SCAPER: variants seen among roughly 807,000 people sequenced by gnomAD.
The protein encoded by SCAPER is S phase cyclin A-associated protein in the endoplasmic reticulum.
In SCAPER, 98 loss-of-function variants were observed where a neutral mutation model predicts 182.2. That is an observed-to-expected ratio of 0.54 (90% CI 0.46 to 0.64). The LOEUF is 0.64. Ranked by LOEUF, SCAPER falls within the 30% of genes least tolerant of loss-of-function variation. The pLI, the probability that SCAPER is intolerant of heterozygous loss-of-function variation, is 0.00. For missense variants in SCAPER, 1,432 were observed against 1,690.0 expected, an observed-to-expected ratio of 0.85 and a Z score of 2.68; for synonymous variants, 605 against 564.6, an observed-to-expected ratio of 1.07 and a Z score of -1.01.
chr15:76,790,318 A>G (rs1246254508), intron 8 of SCAPER, among the ~76,000 whole-genome samples: 1 of 152,144 alleles, frequency 6.6e-6, no homozygotes, highest in Non-Finnish European at 1.5e-5. Flanking sequence ...CATTGGCAAC[A>G]TTAAAACATG....
chr15:76,858,698 C>T (rs1403420263), intron 3 of SCAPER, among the ~76,000 whole-genome samples: 1 of 152,136 alleles, frequency 6.6e-6, no homozygotes, highest in Non-Finnish European at 1.5e-5. Context: ...GTTTAGTTCC[C>T]ACTTATAAAT....
At position 76,412,886 on chromosome 15, in the gene SCAPER, C is replaced by T. The variant is rs1053849329; in HGVS notation, c.3312-8207G>A. 7.2e-5 allele frequency among the ~76,000 whole-genome samples: 11 copies of T among 151,730 alleles called. No individual in the cohort carries two copies. The East Asian group carries it at 7.7e-4, about 11-fold the overall frequency. On this transcript the variant is annotated intron_variant, in intron 26 of 31. Transcript: ENST00000563290. ...GATCCATGGATATTATATATATCTCCGTTTATTTAGGTCTTTAATTTCTCT... is the reference window on the plus strand; with the variant it reads ...GATCCATGGATATTATATATATCTCTGTTTATTTAGGTCTTTAATTTCTCT...
chr15:76,740,016 A>G (rs1168906454), intron 15 of SCAPER, among the ~76,000 whole-genome samples: 5 of 152,194 alleles, frequency 3.3e-5, no homozygotes, highest in Non-Finnish European at 7.3e-5. Flanking sequence ...AATTTAAAAA[A>G]TAAGTCAAAT....
chr15:76,487,114 T>A (rs1372926188), intron 24 of SCAPER, among the ~76,000 whole-genome samples: 3 of 152,068 alleles, frequency 2.0e-5, no homozygotes, highest in African/African-American at 7.2e-5. Flanking sequence ...TTCTCACTTG[T>A]AAGTGGCAGC....
At chr15:76,495,673 G>A (rs2040432972) in intron 24 of SCAPER, among the ~76,000 whole-genome samples, 1 of 151,768 alleles carries the variant, frequency 6.6e-6, no homozygotes, top group South Asian at 2.1e-4. Flanking sequence ...TTGGGGTTTG[G>A]GGTAGATGAA....
chr15:76,672,968 A>AC (rs1567760199), intron 20 of SCAPER, among the ~76,000 whole-genome samples: 2 of 152,056 alleles, frequency 1.3e-5, no homozygotes, highest in Non-Finnish European at 2.9e-5. Flanking sequence ...TTCAGCATTT[A>AC]GGGGGAAAAA....
intron 5 of SCAPER, among the ~76,000 whole-genome samples, chr15:76,820,865 T>G (rs1220932687): frequency 6.6e-6 from 1 of 151,722 alleles, no homozygotes; most frequent in Non-Finnish European, 1.5e-5. Context: ...AAAATAAACA[T>G]ATGAAAACAT....
intron 26 of SCAPER, among the ~76,000 whole-genome samples, chr15:76,407,599 A>C (rs1056127567): frequency 6.6e-6 from 1 of 152,192 alleles, no homozygotes; most frequent in Non-Finnish European, 1.5e-5. Flanking sequence ...TTTATATAGT[A>C]AAGAAAAGCA....
At chr15:76,365,679 A>G (rs1360465918) in intron 29 of SCAPER, among the ~76,000 whole-genome samples, 2 of 152,114 alleles carry the variant, frequency 1.3e-5, no homozygotes, top group African/African-American at 4.8e-5. Context: ...GAATATTTGC[A>G]TTATCTGTGT....
At position 76,422,244 on chromosome 15, in the gene SCAPER, T is replaced by C. The variant is rs374005326; in HGVS notation, c.3311+11834A>G. Among the ~76,000 whole-genome samples, 33 of 152,328 alleles carry C rather than the reference T, an allele frequency of 2.2e-4. No individual in the cohort carries two copies. In the East Asian group the frequency reaches 3.7e-3, roughly 17 times the overall value. ...ATTTTCACGATATTGATTCTTCCTA[T>C]CCATAAGCATGGAATGTTCTTTCAT... On this transcript the variant is annotated intron_variant, in intron 26 of 31. Coordinates refer to ENST00000563290, the MANE Select transcript of SCAPER (RefSeq NM_020843.4).
At chr15:76,405,641 C>A (rs527588898) in intron 26 of SCAPER, among the ~76,000 whole-genome samples, 31 of 152,302 alleles carry the variant, frequency 2.0e-4, no homozygotes, top group African/African-American at 7.5e-4. Flanking sequence ...TATTAATCCA[C>A]AGAGCAGCAA....
intron 24 of SCAPER, among the ~76,000 whole-genome samples, chr15:76,489,528 T>C (rs528516529): frequency 2.7e-4 from 41 of 152,094 alleles, no homozygotes; most frequent in Non-Finnish European, 4.6e-4. Flanking sequence ...TTGTGCCACA[T>C]GTAGCTGTTA....
At chr15:76,712,014 T>C (rs1474788967) in intron 17 of SCAPER, among the ~76,000 whole-genome samples, 1 of 152,218 alleles carries the variant, frequency 6.6e-6, no homozygotes, top group Non-Finnish European at 1.5e-5. Flanking sequence ...TCCTTGCCCA[T>C]GCCTATGTCC....
intron 2 of SCAPER, among the ~76,000 whole-genome samples, chr15:76,866,677 C>A (rs1276150430): frequency 6.6e-6 from 1 of 151,976 alleles, no homozygotes; most frequent in East Asian, 1.9e-4. Context: ...TAGTAAAAAC[C>A]CATAAATTCT....
chr15:76,694,567 T>C (rs1024894864), intron 20 of SCAPER, among the ~76,000 whole-genome samples: 2 of 152,122 alleles, frequency 1.3e-5, no homozygotes, highest in Non-Finnish European at 2.9e-5. Flanking sequence ...TTTTAAGTTA[T>C]GTGTATTTTA....
rs2059177583 is a variant in SCAPER, at chr15:76,705,100, T to C, written c.2247+803A>G. Among the ~76,000 whole-genome samples the C allele has an allele frequency of 2.6e-5, 4 of 152,118 alleles. No homozygotes were observed. The South Asian group carries it at 8.3e-4, about 32-fold the overall frequency. On this transcript the variant is annotated intron_variant, in intron 18 of 31. Transcript: ENST00000563290. ...CGCTATAAAGACACATGCACACATATGTTTATTGCGGCACTATTCACAATA... is the reference window on the plus strand; with the variant it reads ...CGCTATAAAGACACATGCACACATACGTTTATTGCGGCACTATTCACAATA...
At chr15:76,407,301 A>G (rs2044923298) in intron 26 of SCAPER, among the ~76,000 whole-genome samples, 1 of 152,200 alleles carries the variant, frequency 6.6e-6, no homozygotes, top group African/African-American at 2.4e-5. Flanking sequence ...AATGGTAATT[A>G]TTTGTGTATC....
At chr15:76,723,139 C>T (rs1019020718) in intron 17 of SCAPER, among the ~76,000 whole-genome samples, 2 of 152,036 alleles carry the variant, frequency 1.3e-5, no homozygotes, top group African/African-American at 2.4e-5. Context: ...TCTTTGTTCT[C>T]GTTGGTTTCA....
chr15:76,653,197 G>T (rs989583730), intron 21 of SCAPER, among the ~76,000 whole-genome samples: 50 of 151,800 alleles, frequency 3.3e-4, no homozygotes, highest in African/African-American at 1.2e-3. Context: ...CTACAAAACT[G>T]CCGAAAAAAA....
Sources: gnomAD v4.1 joint callset for allele counts (sites outside exome capture counted in the v4.1 genomes callset) on GRCh38, gnomAD v4.1.1 for gene constraint, MANE v1.5 for transcripts, NCBI Gene and HGNC (gene_info 2026-07-23, HGNC 2026-07-21) for gene names.